The following ELAVL4 variants were observed in gnomAD, a reference collection of about 807,000 sequenced individuals.
The protein encoded by ELAVL4 is ELAV-like protein 4.
Under a neutral mutation model 35.6 loss-of-function variants are expected in ELAVL4, and 1 was observed. The ratio of observed to expected loss-of-function variants is 0.03; its 90% CI spans 0.01 to 0.13. The LOEUF is 0.13. Ranked by LOEUF, ELAVL4 falls within the 10% of genes least tolerant of loss-of-function variation. ELAVL4 has a pLI of 1.00. For missense variants in ELAVL4, 267 were observed against 464.9 expected (o/e 0.57, Z 3.91); for synonymous variants, 156 against 171.0 (o/e 0.91, Z 0.69).
At chr1:50,198,090 C>G (rs1270101918) in intron 6 of ELAVL4, among the ~76,000 whole-genome samples, 2 of 152,184 alleles carry the variant, frequency 1.3e-5, no homozygotes, top group African/African-American at 4.8e-5. Flanking sequence ...CAGGTTTTAA[C>G]AGTTCTTATA....
Position 50,117,034 on chromosome 1 carries a change from G to A in ELAVL4, c.9+7836G>A, listed in dbSNP as rs1435992792. On this transcript the variant is annotated intron_variant, in intron 1 of 6. Coordinates refer to ENST00000371824, the MANE Select transcript of ELAVL4 (RefSeq NM_001144774.3). ...CCCAAAGGAAGCTTTACATAAATGT[G>A]CACTTATTATTCAGGATATTAAAAG... Among the ~76,000 whole-genome samples the A allele has an allele frequency of 2.6e-5, 4 of 152,038 alleles. No individual in the cohort carries two copies. The South Asian group carries it at 6.2e-4, about 24-fold the overall frequency.
intron 1 of ELAVL4, among the ~76,000 whole-genome samples, chr1:50,087,590 G>A (rs1388951826): frequency 6.6e-6 from 1 of 152,138 alleles, no homozygotes; most frequent in East Asian, 1.9e-4. Flanking sequence ...AATTTGCTGT[G>A]GACTAAATTG....
At chr1:50,108,806 G>A (rs942952642), upstream of ELAVL4, 2 of 502,500 alleles carry the variant, frequency 4.0e-6, no homozygotes, top group African/African-American at 4.2e-5. Context: ...TCTGGCAGTA[G>A]CTAATTTAAA....
chr1:50,086,497 T>C (rs2148501237), intron 1 of ELAVL4, among the ~76,000 whole-genome samples: 1 of 150,860 alleles, frequency 6.6e-6, no homozygotes, highest in East Asian at 2.0e-4. Flanking sequence ...TATATATATA[T>C]ATACTCTCTC....
intron 3 of ELAVL4, among the ~76,000 whole-genome samples, chr1:50,193,437 T>G (rs534014578): frequency 6.6e-6 from 1 of 151,598 alleles, no homozygotes; most frequent in East Asian, 2.0e-4. Context: ...ATACACCCAC[T>G]TCCAGGAGGT....
chr1:50,099,560 C>CAAAAAAAAAAAAAAAAAAAAAAA (rs750905424), upstream of ELAVL4, among the ~76,000 whole-genome samples: 1 of 56,316 alleles, frequency 1.8e-5, no homozygotes, highest in African/African-American at 5.7e-5. Flanking sequence ...AACTCCGCCT[C>CAAAAAAAAAAAAAAAAAAAAAAA]AAAAAAAAAA....
At chr1:50,101,431 T>G (rs1404781163), upstream of ELAVL4, among the ~76,000 whole-genome samples, 1 of 152,234 alleles carries the variant, frequency 6.6e-6, no homozygotes, top group Non-Finnish European at 1.5e-5. Flanking sequence ...TGAGATATCT[T>G]GAGGACATAC....
chr1:50,175,605 C>T (rs1288056356), intron 2 of ELAVL4: 1 of 152,314 alleles, frequency 6.6e-6, no homozygotes, highest in African/African-American at 2.4e-5. Context: ...AAGGAATATC[C>T]TAATGGAAGT....
chr1:50,101,224 TA>T (rs1449079986), upstream of ELAVL4, among the ~76,000 whole-genome samples: 1 of 152,168 alleles, frequency 6.6e-6, no homozygotes, highest in African/African-American at 2.4e-5. Flanking sequence ...TAAGGACATA[TA>T]ACTTAATTCA....
chr1:50,086,103 C>A (rs1557694295), intron 1 of ELAVL4, among the ~76,000 whole-genome samples: 1 of 151,642 alleles, frequency 6.6e-6, no homozygotes, highest in South Asian at 2.1e-4. Context: ...AATATTTTTC[C>A]AGCTTGTCTT....
At chr1:50,070,215 A>G (rs923566795) in intron 1 of ELAVL4, among the ~76,000 whole-genome samples, 7 of 152,180 alleles carry the variant, frequency 4.6e-5, no homozygotes, top group African/African-American at 1.7e-4. Flanking sequence ...AGTTCTTGGG[A>G]CAGTGTTTCT....
Position 50,088,440 on chromosome 1 carries a change from A to C in ELAVL4, c.18+40258A>C, listed in dbSNP as rs1022995056. 3.3e-5 allele frequency among the ~76,000 whole-genome samples: 5 copies of C among 152,196 alleles called. No homozygotes were observed. The East Asian group carries it at 9.6e-4, about 29-fold the overall frequency. ...GGAGGTCCTCCAGCTCATCTCTTCT[A>C]TCTGTAGACCAACTTTTCCTCGAGC... On this transcript the variant is annotated intron_variant, in intron 1 of 6. Transcript: ENST00000448907.
chr1:50,085,723 T>C (rs1351543008), intron 1 of ELAVL4, among the ~76,000 whole-genome samples: 1 of 152,182 alleles, frequency 6.6e-6, no homozygotes, highest in Non-Finnish European at 1.5e-5. Flanking sequence ...TATTCAGATA[T>C]CTAATTAGCA....
intron 1 of ELAVL4, among the ~76,000 whole-genome samples, chr1:50,073,510 G>A (rs1664624845): frequency 6.6e-6 from 1 of 151,888 alleles, no homozygotes; most frequent in South Asian, 2.1e-4. Flanking sequence ...GTTGAGGTCT[G>A]CAAGATGCTA....
intron 1 of ELAVL4, among the ~76,000 whole-genome samples, chr1:50,117,019 G>T (rs182911895): frequency 6.6e-6 from 1 of 152,182 alleles, no homozygotes; most frequent in Admixed American, 6.5e-5. Flanking sequence ...CCCAAAGGAA[G>T]CTTTACATAA....
At chr1:50,116,419 T>TGTGTGTGTGTGTGTGC in intron 1 of ELAVL4, among the ~76,000 whole-genome samples, 1 of 150,040 alleles carries the variant, frequency 6.7e-6, no homozygotes, top group East Asian at 2.0e-4. Context: ...TGTGCGTGTG[T>TGTGTGTGTGTGTGTGC]GTGTGTGTGT....
rs1644381020 is a variant in ELAVL4 at position 50,201,254 on chromosome 1, C to T, written c.*76C>T. 9.1e-6 allele frequency: 13 copies of T among 1,428,464 alleles called. No individual in the cohort carries two copies. The highest frequency in any genetic ancestry group is 1.6e-5 in the South Asian group (1 of 62,912). 88.5% of individuals were successfully genotyped at this position (1,428,464 alleles called of 1,614,324 possible). A position where few individuals can be genotyped will look rare whatever the true frequency, so the allele number is the denominator to read the frequency against. On this transcript the variant is annotated 3_prime_UTR_variant, in exon 7 of 7. Coordinates refer to ENST00000371824, the MANE Select transcript of ELAVL4 (RefSeq NM_001144774.3). This position sits in a 1 kb window ranked among gnomAD's most constrained non-coding sequence, Gnocchi z 4.3. ...ACACACGCGCGCACACACACACATA[C>T]ACGAAAGAGAGAGAAACAAACTTTT...
intron 6 of ELAVL4, 72 bp from the exon 7 acceptor site, chr1:50,200,779 T>C: frequency 6.4e-7 from 1 of 1,567,570 alleles, no homozygotes; most frequent in Non-Finnish European, 8.7e-7. Context: ...CATGTCTGTG[T>C]CTGTGCATCT....
At chr1:50,181,896 T>A (rs955473645) in intron 3 of ELAVL4, among the ~76,000 whole-genome samples, 7 of 152,288 alleles carry the variant, frequency 4.6e-5, no homozygotes, top group Non-Finnish European at 8.8e-5. Context: ...TTGGTCAGTC[T>A]GGTTGCGAAC....
Sources: gnomAD v4.1 joint callset for allele counts (sites outside exome capture counted in the v4.1 genomes callset) on GRCh38, gnomAD v4.1.1 for gene constraint, Gnocchi (gnomAD v3.1) non-coding constraint, MANE v1.5 for transcripts, NCBI Gene and HGNC (gene_info 2026-07-23, HGNC 2026-07-21) for gene names.